Variants in LHFPL3 observed in about 807,000 individuals in gnomAD.
LHFPL3 encodes the protein LHFPL tetraspan subfamily member 3 protein.
A neutral mutation model predicts 19.3 loss-of-function variants in LHFPL3; 5 were observed. That is an observed-to-expected ratio of 0.26 (90% CI 0.14 to 0.54). LHFPL3 has a LOEUF of 0.54. LHFPL3 is among the 20% of genes least tolerant of loss of function. The pLI, the probability that LHFPL3 is intolerant of heterozygous loss-of-function variation, is 0.94. For synonymous variants in LHFPL3, 133 were observed against 126.2 expected, an observed-to-expected ratio of 1.05 and a Z score of -0.36; for missense variants, 249 against 307.4, an observed-to-expected ratio of 0.81 and a Z score of 1.42.
chr7:104,823,066 T>A (rs1329509378), intron 2 of LHFPL3, among the ~76,000 whole-genome samples: 2 of 152,084 alleles, frequency 1.3e-5, no homozygotes, highest in Admixed American at 1.3e-4. Context: ...TCCACAGCAA[T>A]ATGTGATGCA....
At chr7:104,424,293 C>CT (rs1562893059) in intron 1 of LHFPL3, among the ~76,000 whole-genome samples, 1 of 152,186 alleles carries the variant, frequency 6.6e-6, no homozygotes, top group East Asian at 1.9e-4. Flanking sequence ...GCTCAAGGTA[C>CT]TTTTGTTGGG....
chr7:104,518,850 A>AGATAAATAGAAAG (rs748597414), intron 1 of LHFPL3, among the ~76,000 whole-genome samples: 32 of 139,980 alleles, frequency 2.3e-4, no homozygotes, highest in African/African-American at 8.2e-4. Context: ...TAGATAGAAT[A>AGATAAATAGAAAG]AATAAAAAAA....
intron 2 of LHFPL3, among the ~76,000 whole-genome samples, chr7:104,840,596 G>T (rs1467667782): frequency 2.0e-5 from 3 of 149,178 alleles, no homozygotes; most frequent in African/African-American, 7.5e-5. Context: ...TGGGATTACG[G>T]GCAGGAGCTA....
chr7:104,555,164 C>A (rs1794740646), intron 1 of LHFPL3, among the ~76,000 whole-genome samples: 1 of 152,180 alleles, frequency 6.6e-6, no homozygotes, highest in African/African-American at 2.4e-5. Context: ...TCTAGGTATC[C>A]ATTAAGCCAG....
chr7:104,776,166 A>G (rs140406586), intron 2 of LHFPL3, among the ~76,000 whole-genome samples: 5 of 152,334 alleles, frequency 3.3e-5, no homozygotes, highest in African/African-American at 4.8e-5. Flanking sequence ...AAGGGCTAGG[A>G]AGCAAGTCAC....
chr7:104,432,900 T>C (rs1792029304), intron 1 of LHFPL3, among the ~76,000 whole-genome samples: 1 of 152,170 alleles, frequency 6.6e-6, no homozygotes, highest in Non-Finnish European at 1.5e-5. Context: ...ACCCCTTGCC[T>C]GAGATGTGAA....
intron 1 of LHFPL3, among the ~76,000 whole-genome samples, chr7:104,558,245 A>C (rs1380007582): frequency 4.0e-5 from 6 of 151,268 alleles, no homozygotes; most frequent in African/African-American, 1.2e-4. Flanking sequence ...ATCCCTGAGG[A>C]ATCGCCACAC....
chr7:104,712,677 A>G (rs1481468676), intron 1 of LHFPL3, among the ~76,000 whole-genome samples: 3 of 152,204 alleles, frequency 2.0e-5, no homozygotes, highest in Non-Finnish European at 2.9e-5. Context: ...AGTTTTCAGA[A>G]CAGAATGCAA....
intron 1 of LHFPL3, among the ~76,000 whole-genome samples, chr7:104,690,762 C>G (rs1049073478): frequency 1.3e-5 from 2 of 152,224 alleles, no homozygotes; most frequent in Non-Finnish European, 1.5e-5. Context: ...GCAACACATT[C>G]CTCATCTGGG....
At chr7:104,501,723 A>G (rs751246156) in intron 1 of LHFPL3, among the ~76,000 whole-genome samples, 5 of 152,244 alleles carry the variant, frequency 3.3e-5, no homozygotes, top group Non-Finnish European at 5.9e-5. Context: ...GTCAAGAGAC[A>G]TATCTGAAAG....
intron 1 of LHFPL3, among the ~76,000 whole-genome samples, chr7:104,533,855 G>C (rs1030184176): frequency 2.6e-5 from 4 of 152,058 alleles, no homozygotes; most frequent in African/African-American, 9.7e-5. Flanking sequence ...CTCTCTCTCT[G>C]ATGATATTGT....
At chr7:104,413,073 C>T (rs1161381440) in intron 1 of LHFPL3, among the ~76,000 whole-genome samples, 1 of 152,168 alleles carries the variant, frequency 6.6e-6, no homozygotes, top group Non-Finnish European at 1.5e-5. Context: ...AAAGAAATGG[C>T]AGCTGCTGGT....
intron 1 of LHFPL3, among the ~76,000 whole-genome samples, chr7:104,390,615 G>C (rs1485504087): frequency 6.6e-6 from 1 of 152,256 alleles, no homozygotes; most frequent in East Asian, 1.9e-4. Flanking sequence ...CCAAGTCTTT[G>C]CTATTGTGAA....
At chr7:104,756,888 C>T (rs1022057678) in intron 2 of LHFPL3, among the ~76,000 whole-genome samples, 3 of 152,184 alleles carry the variant, frequency 2.0e-5, no homozygotes, top group Admixed American at 2.0e-4. Context: ...CAACTTTTTT[C>T]ACTACTGTGT....
chr7:104,598,818 G>A (rs1315750356), intron 1 of LHFPL3, among the ~76,000 whole-genome samples: 3 of 152,026 alleles, frequency 2.0e-5, no homozygotes, highest in South Asian at 2.1e-4. Context: ...TCTGGTTTTC[G>A]AATCTTAAAA....
chr7:104,529,346 G>A (rs929448065), intron 1 of LHFPL3, among the ~76,000 whole-genome samples: 1 of 152,076 alleles, frequency 6.6e-6, no homozygotes, highest in African/African-American at 2.4e-5. Flanking sequence ...TTCTTGTTCT[G>A]CCCCCAATGT....
At chr7:104,695,146 G>T (rs1028904868) in intron 1 of LHFPL3, among the ~76,000 whole-genome samples, 1 of 151,752 alleles carries the variant, frequency 6.6e-6, no homozygotes, top group Admixed American at 6.6e-5. Flanking sequence ...GACAGGTCTT[G>T]CTCTGTTGCC....
intron 1 of LHFPL3, among the ~76,000 whole-genome samples, chr7:104,588,331 A>G (rs537208841): frequency 2.0e-5 from 3 of 152,342 alleles, no homozygotes; most frequent in Middle Eastern, 3.4e-3. Context: ...AGCTTCCTAC[A>G]TATGGCTAGC....
intron 2 of LHFPL3, among the ~76,000 whole-genome samples, chr7:104,836,054 G>A (rs938328654): frequency 2.6e-5 from 4 of 151,150 alleles, no homozygotes; most frequent in African/African-American, 9.9e-5. Flanking sequence ...ACCCTTGGTT[G>A]TATGTTCAGG....
Sources: allele counts gnomAD v4.1 joint callset (sites outside exome capture counted in the v4.1 genomes callset), GRCh38; gene constraint gnomAD v4.1.1; transcripts MANE v1.5; gene names NCBI Gene and HGNC (gene_info 2026-07-23, HGNC 2026-07-21).